IL1RAPL2: variants seen among roughly 807,000 people sequenced by gnomAD.
IL1RAPL2 encodes the protein interleukin 1 receptor accessory protein like 2, also known as X-linked interleukin-1 receptor accessory protein-like 2.
IL1RAPL2 carries 3 observed loss-of-function variants against 44.1 expected under a neutral mutation model. That is an observed-to-expected ratio of 0.07 (90% confidence interval 0.03 to 0.18). The LOEUF (loss-of-function observed/expected upper bound fraction) is 0.18, where lower values mean the gene tolerates loss of function less well. Among genes scored for constraint, IL1RAPL2 ranks in the 10% least tolerant of loss-of-function variants. IL1RAPL2 has a pLI of 1.00. For missense variants in IL1RAPL2, 391 were observed against 496.4 expected, an observed-to-expected ratio of 0.79 and a Z score of 2.02; for synonymous variants, 181 against 178.8, an observed-to-expected ratio of 1.01 and a Z score of -0.10.
chrX:105,692,175 A>G (rs1484961187), intron 6 of IL1RAPL2, among the ~76,000 whole-genome samples: 2 of 112,023 alleles, frequency 1.8e-5, no homozygotes, highest in Admixed American at 9.5e-5. Flanking sequence ...CACCATTACT[A>G]TGACCACTAC....
At chrX:105,286,369 T>C (rs2034570954) in intron 5 of IL1RAPL2, among the ~76,000 whole-genome samples, 1 of 109,987 alleles carries the variant, frequency 9.1e-6, no homozygotes, top group Admixed American at 9.8e-5. Context: ...GATAGCTATT[T>C]CCACTTTGCT....
chrX:104,634,996 A>T (rs1385434256), intron 1 of IL1RAPL2, among the ~76,000 whole-genome samples: 2 of 110,903 alleles, frequency 1.8e-5, no homozygotes, highest in Non-Finnish European at 3.8e-5. Context: ...GTTCCTTTCC[A>T]TGTTTAGTGC....
chrX:105,210,004 T>G (rs1247148280), intron 3 of IL1RAPL2, among the ~76,000 whole-genome samples: 1 of 110,346 alleles, frequency 9.1e-6, no homozygotes, highest in African/African-American at 3.3e-5. Context: ...TGCAGCTTGA[T>G]GATCCTTTCC....
At chrX:105,532,049 AAC>A (rs1438648508) in intron 6 of IL1RAPL2, among the ~76,000 whole-genome samples, 2 of 111,705 alleles carry the variant, frequency 1.8e-5, no homozygotes, top group African/African-American at 6.5e-5. Context: ...TACTTTCTGG[AAC>A]ACAGTGTTTC....
At chrX:105,289,860 G>T (rs1374480326) in intron 5 of IL1RAPL2, among the ~76,000 whole-genome samples, 1 of 111,680 alleles carries the variant, frequency 9.0e-6, no homozygotes, top group Non-Finnish European at 1.9e-5. Flanking sequence ...GATAGAATAG[G>T]TTCAAGCTCT....
intron 1 of IL1RAPL2, among the ~76,000 whole-genome samples, chrX:104,585,361 T>A (rs950879292): frequency 2.4e-4 from 4 of 16,582 alleles, no homozygotes; most frequent in African/African-American, 6.5e-4. Context: ...ATTATATATA[T>A]TATATATATT....
intron 6 of IL1RAPL2, among the ~76,000 whole-genome samples, chrX:105,564,137 A>T (rs888634637): frequency 1.8e-5 from 2 of 111,330 alleles, no homozygotes; most frequent in Admixed American, 9.6e-5. Context: ...TCTCAGGCCT[A>T]TTTTATAAGG....
chrX:105,072,272 G>C (rs1042456159), intron 2 of IL1RAPL2, among the ~76,000 whole-genome samples: 1 of 111,633 alleles, frequency 9.0e-6, no homozygotes, highest in Admixed American at 9.6e-5. Context: ...CTTCCCATCC[G>C]CAGAACCATT....
intron 2 of IL1RAPL2, among the ~76,000 whole-genome samples, chrX:105,086,720 G>A (rs2032484448): frequency 9.1e-6 from 1 of 110,000 alleles, no homozygotes; most frequent in African/African-American, 3.3e-5. Context: ...GTGTGTGTGT[G>A]TGTGTGTGTA....
At chrX:105,665,730 TTTTG>T (rs1289405027) in intron 6 of IL1RAPL2, among the ~76,000 whole-genome samples, 1 of 72,875 alleles carries the variant, frequency 1.4e-5, no homozygotes, top group African/African-American at 8.1e-5. Flanking sequence ...ATTTTTGTTT[TTTTG>T]TTTTTTTGTT....
intron 2 of IL1RAPL2, among the ~76,000 whole-genome samples, chrX:104,875,925 A>ATT (rs368809296): frequency 9.6e-6 from 1 of 103,981 alleles, no homozygotes; most frequent in Admixed American, 1.0e-4. Flanking sequence ...TCTTGTTACT[A>ATT]TTTTTTTTTT....
intron 5 of IL1RAPL2, among the ~76,000 whole-genome samples, chrX:105,309,117 C>A (rs1024395551): frequency 9.1e-6 from 1 of 110,483 alleles, no homozygotes; most frequent in Admixed American, 9.7e-5. Flanking sequence ...TCACTGCAAC[C>A]TCCGCCTCTC....
At chrX:104,819,838 C>T (rs1478314478) in intron 2 of IL1RAPL2, among the ~76,000 whole-genome samples, 1 of 111,912 alleles carries the variant, frequency 8.9e-6, no homozygotes, top group Non-Finnish European at 1.9e-5. Flanking sequence ...AGGCTTTTGG[C>T]TATTATTCCT....
intron 5 of IL1RAPL2, among the ~76,000 whole-genome samples, chrX:105,387,454 C>T (rs1025190591): frequency 4.5e-5 from 5 of 109,928 alleles, no homozygotes; most frequent in African/African-American, 6.6e-5. Context: ...AGGCTGGTCT[C>T]GAACTCTTGA....
At chrX:105,023,851 G>C (rs1602896725) in intron 2 of IL1RAPL2, among the ~76,000 whole-genome samples, 1 of 111,361 alleles carries the variant, frequency 9.0e-6, no homozygotes, top group African/African-American at 3.2e-5. Flanking sequence ...TATCGGGGCA[G>C]GTGGTTTTTG....
chrX:104,961,068 A>G (rs1490323765), intron 2 of IL1RAPL2, among the ~76,000 whole-genome samples: 2 of 111,787 alleles, frequency 1.8e-5, no homozygotes, highest in Non-Finnish European at 3.8e-5. Context: ...ACAGTAACAG[A>G]TTAAAAAAAA....
At chrX:105,572,155 G>A (rs934636274) in intron 6 of IL1RAPL2, among the ~76,000 whole-genome samples, 5 of 111,106 alleles carry the variant, frequency 4.5e-5, no homozygotes, top group African/African-American at 1.3e-4. Context: ...ATTTTTCCCC[G>A]ACATGTCCAA....
At chrX:104,859,832 G>A (rs1922450517) in intron 2 of IL1RAPL2, among the ~76,000 whole-genome samples, 1 of 111,826 alleles carries the variant, frequency 8.9e-6, no homozygotes, top group African/African-American at 3.2e-5. Flanking sequence ...AAACTACTTG[G>A]AGGTAATATT....
chrX:104,908,974 G>A (rs1415211811), intron 2 of IL1RAPL2, among the ~76,000 whole-genome samples: 1 of 110,464 alleles, frequency 9.1e-6, no homozygotes, highest in African/African-American at 3.3e-5. Context: ...GTCACTTTCA[G>A]GTACACCAAT....
Sources: allele counts gnomAD v4.1 joint callset (sites outside exome capture counted in the v4.1 genomes callset), GRCh38; gene constraint gnomAD v4.1.1; transcripts MANE v1.5; gene names NCBI Gene and HGNC (gene_info 2026-07-23, HGNC 2026-07-21).